The following CPA4 variants were observed in gnomAD, a reference collection of about 807,000 sequenced individuals.
CPA4 encodes the protein carboxypeptidase A3.
CPA4 carries 49 observed loss-of-function variants against 54.7 expected under a neutral mutation model. The observed-to-expected ratio is 0.90, with a 90% CI of 0.71 to 1.14. The LOEUF is 1.14. Among genes scored for constraint, CPA4 ranks in the 50% most tolerant of loss-of-function variants. The probability of loss-of-function intolerance (pLI) is 0.00; values close to 1 mark genes in which losing one functional copy is unlikely to be tolerated. For missense variants in CPA4, 487 were observed against 525.1 expected (o/e 0.93, Z 0.71); for synonymous variants, 215 against 206.8 (o/e 1.04, Z -0.34).
chr7:130,310,852 G>T lies in CPA4; in HGVS notation c.859G>T (p.Glu287Ter). Residue 287 changes from glutamate (E) to a stop codon, truncating the protein, a stop_gained, in exon 9 of 11, where the codon GAG (glutamate) becomes TAG (stop). Coordinates refer to ENST00000222482, the MANE Select transcript of CPA4 (RefSeq NM_016352.4). LOFTEE classifies it high-confidence loss of function. The surrounding 1 kb of genome is among the most constrained non-coding windows in gnomAD (Gnocchi z 4.3). ...TGGACCCCACGCCAATTCGGAAGTG[G>T]AGGTGAAATCAGTGGTAGATTTCAT... ...YHGPHANSEV[E>*]VKSVVDFIQK... The T allele has an allele frequency of 6.2e-7, 1 of 1,614,220 alleles. No individual in the cohort carries two copies.
At chr7:130,311,297 TG>T (rs750494482) in intron 9 of CPA4, among the ~76,000 whole-genome samples, 4 of 152,110 alleles carry the variant, frequency 2.6e-5, no homozygotes, top group Admixed American at 6.5e-5. Context: ...GGCACCTGGG[TG>T]GGCAAGGGGG....
At chr7:130,298,607 C>CAT in intron 1 of CPA4, 139 bp from the exon 2 acceptor site, 3 of 570,366 alleles carry the variant, frequency 5.3e-6, no homozygotes, top group East Asian at 2.8e-5. Flanking sequence ...TTTTAATGGC[C>CAT]ATACATTAAA....
intron 10 of CPA4, among the ~76,000 whole-genome samples, chr7:130,320,308 C>A (rs887133087): frequency 3.9e-5 from 6 of 152,118 alleles, no homozygotes; most frequent in African/African-American, 1.4e-4. Flanking sequence ...CAGCAGGGAC[C>A]CAAATAAAGT....
At position 130,310,841 on chromosome 7, in the gene CPA4, A is replaced by G. The variant is rs201774085; in HGVS notation, c.848A>G (p.Asn283Ser). Residue 283 changes from asparagine (N) to serine (S), a missense_variant, in exon 9 of 11, where the codon AAT (asparagine) becomes AGT (serine). Coordinates refer to ENST00000222482, the MANE Select transcript of CPA4 (RefSeq NM_016352.4). This position sits in a 1 kb window ranked among gnomAD's most constrained non-coding sequence, Gnocchi z 4.3. ...CSEVYHGPHA[N>S]SEVEVKSVVD... is the part of the protein sequence containing the mutation. ...GAAGTGTACCATGGACCCCACGCCA[A>G]TTCGGAAGTGGAGGTGAAATCAGTG... 30 of 1,614,106 alleles carry G rather than the reference A, an allele frequency of 1.9e-5. No homozygotes were observed. The highest frequency in any genetic ancestry group is 2.7e-5 in the African/African-American group (2 of 74,946).
At chr7:130,315,111 G>T (rs1385361496) in intron 10 of CPA4, among the ~76,000 whole-genome samples, 1 of 152,024 alleles carries the variant, frequency 6.6e-6, no homozygotes, top group Admixed American at 6.6e-5. Context: ...GGTGTGAGGG[G>T]GGGAATTGGG....
chr7:130,293,428 T>TGAAATCAG (rs1379412596), intron 1 of CPA4, 180 bp downstream of exon 1: 1 of 599,444 alleles, frequency 1.7e-6, no homozygotes, highest in Non-Finnish European at 3.0e-6. Flanking sequence ...ATTTCATCTG[T>TGAAATCAG]GAAATCAGGA....
chr7:130,308,513 A>G, intron 8 of CPA4, 116 bp downstream of exon 8: 2 of 750,360 alleles, frequency 2.7e-6, no homozygotes, highest in Non-Finnish European at 4.7e-6. Context: ...TTGCTGCGTC[A>G]CTGAGAGACT....
chr7:130,308,273 T>C, intron 7 of CPA4, 34 bp from the exon 8 acceptor site: 3 of 1,572,602 alleles, frequency 1.9e-6, no homozygotes, highest in Non-Finnish European at 2.6e-6. Flanking sequence ...GATCTGCCTC[T>C]GGTTGTTTGT....
intron 3 of CPA4, 95 bp downstream of exon 3, chr7:130,299,499 C>T: frequency 8.5e-7 from 1 of 1,183,136 alleles, no homozygotes; most frequent in Non-Finnish European, 1.2e-6. Context: ...TGGTTTTATC[C>T]TTTTCTATTT....
At chr7:130,317,166 C>T (rs145909048) in intron 10 of CPA4, among the ~76,000 whole-genome samples, 3 of 152,164 alleles carry the variant, frequency 2.0e-5, no homozygotes, top group East Asian at 1.9e-4. Flanking sequence ...ATGACAGGCA[C>T]GAGCCAGTGC....
chr7:130,311,599 A>G (rs1584752226), intron 9 of CPA4, among the ~76,000 whole-genome samples: 1 of 131,702 alleles, frequency 7.6e-6, no homozygotes, highest in Non-Finnish European at 1.5e-5. Flanking sequence ...CTCCTCCTCC[A>G]CTCTGCAACA....
intron 6 of CPA4, 57 bp downstream of exon 6, chr7:130,305,977 AT>A: frequency 6.9e-7 from 1 of 1,444,948 alleles, no homozygotes; most frequent in Non-Finnish European, 9.7e-7. Context: ...CCCCTGCAGC[AT>A]GCCATGTGGC....
rs1793902138 is a variant in CPA4, at chr7:130,310,928, A to G, written c.935A>G (p.Gln312Arg). ...KGFIDLHSYS[Q>R]LLMYPYGYSV... ...TTCATCGACCTGCACAGCTACTCGCAGCTGCTGATGTATCCATATGGGTAC... is the reference window on the plus strand; with the variant it reads ...TTCATCGACCTGCACAGCTACTCGCGGCTGCTGATGTATCCATATGGGTAC... Residue 312 changes from glutamine (Q) to arginine (R), a missense_variant, in exon 9 of 11, where the codon CAG becomes CGG. Physicochemically the swap from Gln to Arg is conservative, Grantham distance 43 (BLOSUM62 1). Transcript: ENST00000222482. The surrounding 1 kb of genome is among the most constrained non-coding windows in gnomAD (Gnocchi z 4.3). The G allele has an allele frequency of 6.2e-7, 1 of 1,614,188 alleles. No individual in the cohort carries two copies. The highest frequency in any genetic ancestry group is 2.2e-5 in the East Asian group (1 of 44,878).
In CPA4 at chr7:130,310,978, G is replaced by C; in HGVS notation, c.985G>C (p.Glu329Gln). 1.2e-6 allele frequency: 2 copies of C among 1,613,576 alleles called. No homozygotes were observed. The highest frequency in any genetic ancestry group is 1.3e-5 in the African/African-American group (1 of 75,022). The stretch of plus-strand genomic sequence containing the variant: ...CTCAGTCAAAAAGGCCCCAGATGCC[G>C]AGGAACTCGTGAGTCACAGCTGCCT... ...GYSVKKAPDA[E>Q]ELDKVARLAA... Residue 329 changes from glutamate to glutamine, a missense_variant, in exon 9 of 11, where the codon GAG becomes CAG. Transcript: ENST00000222482. The surrounding 1 kb of genome is among the most constrained non-coding windows in gnomAD (Gnocchi z 4.3).
chr7:130,299,386 G>C lies in CPA4; in HGVS notation c.267G>C (p.Val89=), dbSNP rs965891652. The change falls in exon 3 of 11, where the codon GTG becomes GTC. Residue 89 remains valine (V), a synonymous_variant. Transcript: ENST00000222482. ...GATCCCAGGGCTTAGAGTACGCAGT[G>C]ACAATTGAGGACCTGCAGGTAGGTA... ...FLRSQGLEYA[V]TIEDLQALLD... 1 of 1,614,160 alleles carries C rather than the reference G, an allele frequency of 6.2e-7. No homozygotes were observed. The highest frequency in any genetic ancestry group is 1.7e-5 in the Admixed American group (1 of 60,036).
intron 9 of CPA4, 130 bp from the exon 10 acceptor site, chr7:130,311,908 G>T: frequency 1.4e-6 from 1 of 693,064 alleles, no homozygotes; most frequent in Non-Finnish European, 2.6e-6. Flanking sequence ...CTGGGCGAAG[G>T]GGAAACAAGG....
chr7:130,316,967 A>G (rs1205656834), intron 10 of CPA4, among the ~76,000 whole-genome samples: 2 of 151,902 alleles, frequency 1.3e-5, no homozygotes, highest in African/African-American at 4.8e-5. Context: ...GGGGTAGCAT[A>G]TATGAAGAGA....
intron 10 of CPA4, among the ~76,000 whole-genome samples, chr7:130,321,052 G>A (rs2019062): frequency 0.28 from 42,061 of 151,952 alleles, 5,999 homozygotes; most frequent in East Asian, 0.35. Flanking sequence ...TAAATTAGCC[G>A]GGCATAGTGC....
At chr7:130,293,455 G>A in intron 1 of CPA4, 1 of 546,304 alleles carries the variant, frequency 1.8e-6, no homozygotes, top group South Asian at 2.0e-5. Flanking sequence ...GATCATTGCA[G>A]TCTCTCCCCA....
Sources: allele counts gnomAD v4.1 joint callset (sites outside exome capture counted in the v4.1 genomes callset), GRCh38; gene constraint gnomAD v4.1.1; non-coding constraint Gnocchi (gnomAD v3.1); transcripts MANE v1.5; gene names NCBI Gene and HGNC (gene_info 2026-07-23, HGNC 2026-07-21).